PTPRD: variants seen among roughly 807,000 people sequenced by gnomAD.
The protein encoded by PTPRD is receptor-type tyrosine-protein phosphatase delta.
A neutral mutation model predicts 214.5 loss-of-function variants in PTPRD; 34 were observed. That is an observed-to-expected ratio of 0.16 (90% confidence interval 0.12 to 0.21). PTPRD has a LOEUF of 0.21. Among genes scored for constraint, PTPRD ranks in the 10% least tolerant of loss-of-function variants. The pLI is 1.00. For missense variants in PTPRD, 2,545 were observed against 2,398.7 expected (o/e 1.06, Z -1.27); for synonymous variants, 1,128 against 845.7 (o/e 1.33, Z -5.79).
intron 2 of PTPRD, among the ~76,000 whole-genome samples, chr9:10,351,156 G>C (rs550270651): frequency 9.9e-5 from 15 of 152,212 alleles, no homozygotes; most frequent in South Asian, 2.1e-4. Context: ...CATTAAAAGA[G>C]AGTTGTGACA....
At position 8,484,397 on chromosome 9, in the gene PTPRD, T is replaced by TAAAAAAAAA; in HGVS notation, c.3154-28_3154-20dup. The TAAAAAAAAA allele has an allele frequency of 1.4e-6, 2 of 1,461,704 alleles. No homozygotes were observed. The highest frequency in any genetic ancestry group is 1.3e-5 in the South Asian group (1 of 78,198). The allele number at this position is 1,461,704 out of a possible 1,614,324, so 90.5% of individuals were successfully genotyped here. A position where few individuals can be genotyped will look rare whatever the true frequency, so the allele number is the denominator to read the frequency against. On this transcript the variant is annotated intron_variant, in intron 29 of 45. Coordinates refer to ENST00000381196, the MANE Select transcript of PTPRD (RefSeq NM_002839.4). The stretch of plus-strand genomic sequence containing the variant: ...AAAGAATCTAAAGAGATAAAACCAA[T>TAAAAAAAAA]AAAAAAAAAATCTGGTTATCAGAGA...
intron 11 of PTPRD, among the ~76,000 whole-genome samples, chr9:8,894,115 A>AG (rs1482614189): frequency 6.6e-6 from 1 of 152,150 alleles, no homozygotes; most frequent in African/African-American, 2.4e-5. Flanking sequence ...GCACTTTTGG[A>AG]GGCCAAGGCG....
intron 11 of PTPRD, among the ~76,000 whole-genome samples, chr9:8,807,313 G>A (rs917238743): frequency 6.6e-6 from 1 of 152,006 alleles, no homozygotes; most frequent in Non-Finnish European, 1.5e-5. Context: ...CTCCAGCCTG[G>A]GTGACAGAGC....
At chr9:8,957,308 C>T (rs370390125) in intron 11 of PTPRD, among the ~76,000 whole-genome samples, 1 of 151,828 alleles carries the variant, frequency 6.6e-6, no homozygotes, top group East Asian at 1.9e-4. Flanking sequence ...TCTAGGCCCT[C>T]TGTAATCTGG....
chr9:9,017,101 A>G (rs935932701), intron 11 of PTPRD, among the ~76,000 whole-genome samples: 1 of 152,098 alleles, frequency 6.6e-6, no homozygotes, highest in African/African-American at 2.4e-5. Context: ...TGCGACTATT[A>G]GTAAGATTAT....
chr9:9,746,666 G>C lies in PTPRD; in HGVS notation c.-325-12095C>G, dbSNP rs186861655. Among the ~76,000 whole-genome samples the C allele has an allele frequency of 2.0e-5, 3 of 152,228 alleles. No individual in the cohort carries two copies. In the East Asian group the frequency reaches 5.8e-4, roughly 29 times the overall value. ...GAAGTTGGATGAGAAGTGAAATAAG[G>C]CATAGAAAAGATGAAACACAGTAAA... On this transcript the variant is annotated intron_variant, in intron 6 of 45. Transcript: ENST00000381196.
At chr9:9,507,240 C>T (rs1205235698) in intron 8 of PTPRD, among the ~76,000 whole-genome samples, 1 of 151,062 alleles carries the variant, frequency 6.6e-6, no homozygotes, top group African/African-American at 2.4e-5. Flanking sequence ...CAAGGATATA[C>T]AATATATATT....
intron 2 of PTPRD, among the ~76,000 whole-genome samples, chr9:10,345,063 G>A (rs2097044461): frequency 6.6e-6 from 1 of 151,930 alleles, no homozygotes; most frequent in African/African-American, 2.4e-5. Context: ...GAAGACTATG[G>A]CTAAAAAAGA....
intron 3 of PTPRD, among the ~76,000 whole-genome samples, chr9:10,206,284 T>C (rs754982532): frequency 6.6e-6 from 1 of 152,154 alleles, no homozygotes; most frequent in Non-Finnish European, 1.5e-5. Flanking sequence ...TGTGGATGTA[T>C]GTAAATGCTA....
At chr9:8,918,703 G>T (rs1434139418) in intron 11 of PTPRD, among the ~76,000 whole-genome samples, 1 of 152,080 alleles carries the variant, frequency 6.6e-6, no homozygotes, top group Non-Finnish European at 1.5e-5. Context: ...TGCTTAACTA[G>T]ATGCCAACTG....
rs189463022 is a variant in PTPRD at position 9,495,696 on chromosome 9, C to T, written c.-237+79036G>A. On this transcript the variant is annotated intron_variant, in intron 8 of 45. Coordinates refer to ENST00000381196, the MANE Select transcript of PTPRD (RefSeq NM_002839.4). ...TTTCATCACTCAATAAAATTCTCTG[C>T]TTTCACTATCCTTCAATTGTCCATG... is the stretch of plus-strand genomic sequence containing the variant. 1.8e-4 allele frequency among the ~76,000 whole-genome samples: 28 copies of T among 152,296 alleles called. 1 individual carries two copies. Among genetic ancestry groups the T allele is most frequent in the Admixed American group, 1.8e-3 (27 of 15,296 alleles).
In PTPRD at chr9:9,363,799, A is replaced by T. The variant is rs1349267726; in HGVS notation, c.-203+33650T>A. On this transcript the variant is annotated intron_variant, in intron 9 of 45. Coordinates refer to ENST00000381196, the MANE Select transcript of PTPRD (RefSeq NM_002839.4). ...AACCATCGATATATTTTTTTCATCA[A>T]ATACATTTGACAACTGAGGGAACTA... Among the ~76,000 whole-genome samples, 15 of 151,434 alleles carry T rather than the reference A, an allele frequency of 9.9e-5. No individual in the cohort carries two copies. In the Admixed American group the frequency reaches 9.9e-4, roughly 10 times the overall value.
At chr9:8,705,345 G>A (rs1158893038) in intron 12 of PTPRD, among the ~76,000 whole-genome samples, 2 of 152,032 alleles carry the variant, frequency 1.3e-5, no homozygotes, top group Admixed American at 6.6e-5. Context: ...TCAGCCTCCC[G>A]AGTAGCTGGG....
At chr9:9,067,232 AAAAC>A (rs566944957) in intron 10 of PTPRD, among the ~76,000 whole-genome samples, 158 of 152,344 alleles carry the variant, frequency 1.0e-3, no homozygotes, top group Admixed American at 2.3e-3. Context: ...CTCCGTCTCA[AAAAC>A]AAACAGACAA....
chr9:8,652,346 G>A (rs1032660049), intron 12 of PTPRD, among the ~76,000 whole-genome samples: 8 of 152,098 alleles, frequency 5.3e-5, no homozygotes, highest in Non-Finnish European at 4.4e-5. Flanking sequence ...CAAATTATTA[G>A]GACACTTATT....
At chr9:10,463,187 G>A (rs1225884677) in intron 2 of PTPRD, among the ~76,000 whole-genome samples, 1 of 151,836 alleles carries the variant, frequency 6.6e-6, no homozygotes, top group African/African-American at 2.4e-5. Flanking sequence ...ATATATTTCT[G>A]AATATACGAT....
intron 6 of PTPRD, among the ~76,000 whole-genome samples, chr9:9,765,059 T>G (rs1445277991): frequency 2.6e-5 from 4 of 152,164 alleles, no homozygotes; most frequent in Non-Finnish European, 5.9e-5. Flanking sequence ...AGCCATTCAT[T>G]CCCTGTCTGG....
chr9:9,364,188 T>TC (rs1339651018), intron 9 of PTPRD, among the ~76,000 whole-genome samples: 1 of 151,422 alleles, frequency 6.6e-6, no homozygotes, highest in Non-Finnish European at 1.5e-5. Context: ...TGATCGTTTT[T>TC]CTCTGTTGTG....
At chr9:8,919,900 G>A (rs946383501) in intron 11 of PTPRD, among the ~76,000 whole-genome samples, 8 of 151,852 alleles carry the variant, frequency 5.3e-5, no homozygotes, top group East Asian at 1.9e-4. Context: ...AGATGTACAT[G>A]CATGTATGCA....
Sources: allele counts gnomAD v4.1 joint callset (sites outside exome capture counted in the v4.1 genomes callset), GRCh38; gene constraint gnomAD v4.1.1; transcripts MANE v1.5; gene names NCBI Gene and HGNC (gene_info 2026-07-23, HGNC 2026-07-21).